UBASH3A: variants seen among roughly 807,000 people sequenced by gnomAD.
UBASH3A encodes ubiquitin associated and SH3 domain containing A.
A neutral mutation model predicts 73.5 loss-of-function variants in UBASH3A; 63 were observed. That is an observed-to-expected ratio of 0.86 (90% CI 0.70 to 1.06). The LOEUF (loss-of-function observed/expected upper bound fraction) is 1.06, where lower values mean the gene tolerates loss of function less well. Among genes scored for constraint, UBASH3A ranks in the 50% least tolerant of loss-of-function variants. UBASH3A has a pLI of 0.00. For missense variants in UBASH3A, 860 were observed against 859.0 expected (o/e 1.00, Z -0.02); for synonymous variants, 363 against 351.1 (o/e 1.03, Z -0.38).
At chr21:42,428,558 C>A (rs114575369) in intron 8 of UBASH3A, among the ~76,000 whole-genome samples, 4,830 of 152,180 alleles carry the variant, frequency 0.032, 86 homozygotes, top group Non-Finnish European at 0.04. Flanking sequence ...ATTCCAACAA[C>A]CCTATCATCT....
rs535627722 is a variant in UBASH3A at position 42,413,924 on chromosome 21, G to C, written c.667+401G>C. ...GGCTACCATTGGGGTTTAGTGGAAA[G>C]GATTGTGGACTTGACGTCAGAAGAT... On this transcript the variant is annotated intron_variant, in intron 5 of 14. Coordinates refer to ENST00000319294, the MANE Select transcript of UBASH3A (RefSeq NM_018961.4). The surrounding 1 kb of genome is among the most constrained non-coding windows in gnomAD (Gnocchi z 4.5). Among the ~76,000 whole-genome samples, 45 of 152,362 alleles carry C rather than the reference G, an allele frequency of 3.0e-4. No homozygotes were observed. The South Asian group carries it at 7.2e-3, about 25-fold the overall frequency.
intron 8 of UBASH3A, among the ~76,000 whole-genome samples, chr21:42,427,073 G>A (rs2053448763): frequency 1.3e-5 from 2 of 152,238 alleles, no homozygotes; most frequent in Middle Eastern, 3.4e-3. Context: ...CCTCAAGGCA[G>A]CTGAATCCCG....
At chr21:42,442,002 G>C (rs114894706) in intron 11 of UBASH3A, among the ~76,000 whole-genome samples, 1 of 152,124 alleles carries the variant, frequency 6.6e-6, no homozygotes, top group Non-Finnish European at 1.5e-5. Context: ...CTCTTGCCCC[G>C]TCTGTGTAAG....
intron 11 of UBASH3A, among the ~76,000 whole-genome samples, chr21:42,439,422 A>G (rs935458735): frequency 1.3e-5 from 2 of 152,124 alleles, no homozygotes; most frequent in Non-Finnish European, 2.9e-5. Flanking sequence ...TTTGCCTTGG[A>G]GGTTCCCATG....
chr21:42,432,091 C>T lies in UBASH3A; in HGVS notation c.1171-12C>T, dbSNP rs1002753910. On this transcript the variant is annotated splice_polypyrimidine_tract_variant and intron_variant, in intron 8 of 14. Coordinates refer to ENST00000319294, the MANE Select transcript of UBASH3A (RefSeq NM_018961.4). The stretch of plus-strand genomic sequence containing the variant: ...AAACTGCATGTGCCTTGCTTCCTGC[C>T]CCACCCCCCAGGCTACCGTTGCAAG... The T allele has an allele frequency of 1.3e-6, 2 of 1,592,798 alleles. No homozygotes were observed.
intron 3 of UBASH3A, 51 bp from the exon 4 acceptor site, chr21:42,412,973 T>C (rs1201725014): frequency 1.4e-5 from 20 of 1,412,708 alleles, no homozygotes; most frequent in Non-Finnish European, 4.9e-6. Flanking sequence ...AATTAATAGA[T>C]GACTTCTGAT....
Position 42,413,447 on chromosome 21 carries a change from G to A in UBASH3A, c.591G>A (p.Val197=). 1.2e-6 allele frequency: 2 copies of A among 1,614,130 alleles called. No individual in the cohort carries two copies. The highest frequency in any genetic ancestry group is 2.2e-5 in the East Asian group (1 of 44,890). The change falls in exon 5 of 15, where the codon GTG becomes GTA. Residue 197 remains valine (V), a synonymous_variant. Coordinates refer to ENST00000319294, the MANE Select transcript of UBASH3A (RefSeq NM_018961.4). This position sits in a 1 kb window ranked among gnomAD's most constrained non-coding sequence, Gnocchi z 4.5. ...SVSRFWIFSQ[V]PGHGPNLRLS... ...CCCGCTTCTGGATTTTCAGCCAGGT[G>A]CCTGGACATGGCCCTAACCTGAGGC...
intron 9 of UBASH3A, among the ~76,000 whole-genome samples, chr21:42,433,244 G>A (rs922667199): frequency 1.3e-5 from 2 of 152,328 alleles, no homozygotes; most frequent in African/African-American, 2.4e-5. Flanking sequence ...ATAAAGTGAA[G>A]AATTACATCT....
intron 1 of UBASH3A, among the ~76,000 whole-genome samples, chr21:42,404,677 G>T (rs935133142): frequency 5.3e-5 from 8 of 152,216 alleles, no homozygotes; most frequent in African/African-American, 1.9e-4. Flanking sequence ...AAAGCCCGCT[G>T]AGTCTCTAAC....
intron 10 of UBASH3A, among the ~76,000 whole-genome samples, chr21:42,436,756 G>A (rs1446266442): frequency 6.6e-6 from 1 of 152,202 alleles, no homozygotes; most frequent in East Asian, 1.9e-4. Context: ...ATTTCCCTGA[G>A]AGCAGGGCTT....
intron 3 of UBASH3A, among the ~76,000 whole-genome samples, chr21:42,410,940 CAG>C (rs942687995): frequency 6.7e-6 from 1 of 149,550 alleles, no homozygotes; most frequent in African/African-American, 2.5e-5. Context: ...CAGATAGACA[CAG>C]AGACGTACAC....
Position 42,413,534 on chromosome 21 carries a change from A to G in UBASH3A, c.667+11A>G. 4 of 1,597,716 alleles carry G rather than the reference A, an allele frequency of 2.5e-6. No homozygotes were observed. Among genetic ancestry groups the G allele is most frequent in the Non-Finnish European group, 3.4e-6 (4 of 1,166,134 alleles). ...ACATCCTTCAAAAATGTAAGCCATT[A>G]GAAAGCTTCCGGACCAGCTTTGGTC... is the stretch of plus-strand genomic sequence containing the variant. On this transcript the variant is annotated intron_variant, in intron 5 of 14. Coordinates refer to ENST00000319294, the MANE Select transcript of UBASH3A (RefSeq NM_018961.4). The surrounding 1 kb of genome is among the most constrained non-coding windows in gnomAD (Gnocchi z 4.5).
intron 1 of UBASH3A, among the ~76,000 whole-genome samples, chr21:42,404,417 T>C (rs1173020360): frequency 6.6e-6 from 1 of 152,178 alleles, no homozygotes; most frequent in Non-Finnish European, 1.5e-5. Context: ...ATTATTAGTG[T>C]TAGCGTATTT....
At position 42,404,017 on chromosome 21, in the gene UBASH3A, C is replaced by T; in HGVS notation, c.72C>T (p.Leu24=). 3.3e-6 allele frequency: 5 copies of T among 1,526,640 alleles called. No homozygotes were observed. Among genetic ancestry groups the T allele is most frequent in the Non-Finnish European group, 4.4e-6 (5 of 1,132,778 alleles). 94.6% of individuals were successfully genotyped at this position (1,526,640 alleles called of 1,614,324 possible). ...TCAAGAGCCGCAGCAGCCCCTCGCT[C>T]CTGGAGCCCCTCCTGGCCATGGGCT... is the stretch of plus-strand genomic sequence containing the variant. ...NKLKSRSSPS[L]LEPLLAMGFP... is the part of the protein sequence containing the mutation. The change falls in exon 1 of 15, where the codon CTC becomes CTT. Residue 24 remains leucine (L), a synonymous_variant. Coordinates refer to ENST00000319294, the MANE Select transcript of UBASH3A (RefSeq NM_018961.4).
chr21:42,430,601 G>A (rs1301969631), intron 8 of UBASH3A, among the ~76,000 whole-genome samples: 1 of 152,164 alleles, frequency 6.6e-6, no homozygotes, highest in South Asian at 2.1e-4. Flanking sequence ...GGTCGCCTGG[G>A]CTCCAGGCAG....
intron 12 of UBASH3A, among the ~76,000 whole-genome samples, 190 bp downstream of exon 12, chr21:42,442,786 G>T (rs1410193516): frequency 6.6e-6 from 1 of 152,198 alleles, no homozygotes; most frequent in Non-Finnish European, 1.5e-5. Flanking sequence ...TAGCCACAGA[G>T]CAGGGTGGGG....
Position 42,434,915 on chromosome 21 carries a change from C to G in UBASH3A, c.1354C>G (p.Pro452Ala), listed in dbSNP as rs772286077. The G allele has an allele frequency of 3.1e-6, 5 of 1,614,202 alleles. No homozygotes were observed. Among genetic ancestry groups the G allele is most frequent in the African/African-American group, 2.7e-5 (2 of 75,042 alleles). The change falls in exon 10 of 15, where the codon CCA becomes GCA. Residue 452 changes from proline to alanine, a missense_variant. Coordinates refer to ENST00000319294, the MANE Select transcript of UBASH3A (RefSeq NM_018961.4). ...GATCAAAGACTTTGAAAACGATCCC[C>G]CATTATCATCGTGTGGCATTTTCCA... is the stretch of plus-strand genomic sequence containing the variant. ...RGIKDFENDP[P>A]LSSCGIFQSR...
At chr21:42,406,284 G>A (rs1296277622) in intron 1 of UBASH3A, 24 bp from the exon 2 acceptor site, 2 of 1,611,590 alleles carry the variant, frequency 1.2e-6, no homozygotes, top group Admixed American at 3.3e-5. Flanking sequence ...ACGTGACTTT[G>A]TGTCTGTGTC....
intron 10 of UBASH3A, among the ~76,000 whole-genome samples, chr21:42,435,728 T>A (rs1286708418): frequency 6.6e-6 from 1 of 152,042 alleles, no homozygotes; most frequent in East Asian, 1.9e-4. Flanking sequence ...GAGTTAGTTA[T>A]AGAGTTATAG....
Sources: allele counts gnomAD v4.1 joint callset (sites outside exome capture counted in the v4.1 genomes callset), GRCh38; gene constraint gnomAD v4.1.1; non-coding constraint Gnocchi (gnomAD v3.1); transcripts MANE v1.5; gene names NCBI Gene and HGNC (gene_info 2026-07-23, HGNC 2026-07-21).